KIF26B: variants seen among roughly 807,000 people sequenced by gnomAD.
KIF26B encodes the protein kinesin-like protein KIF26B.
In KIF26B, 63 loss-of-function variants were observed where a neutral mutation model predicts 151.2. The observed-to-expected ratio is 0.42, with a 90% CI of 0.34 to 0.51. The LOEUF (loss-of-function observed/expected upper bound fraction) is 0.51. Ranked by LOEUF, KIF26B falls within the 20% of genes least tolerant of loss-of-function variation. KIF26B has a pLI of 0.07. For synonymous variants in KIF26B, 1,357 were observed against 1,262.1 expected, an observed-to-expected ratio of 1.08 and a Z score of -1.59; for missense variants, 2,813 against 2,913.6, an observed-to-expected ratio of 0.97 and a Z score of 0.79.
At position 245,606,739 on chromosome 1, in the gene KIF26B, T is replaced by C. The variant is rs2043458821; in HGVS notation, c.1558-912T>C. Among the ~76,000 whole-genome samples, 1 of 152,184 alleles carries C rather than the reference T, an allele frequency of 6.6e-6. No homozygotes were observed. Among genetic ancestry groups the C allele is most frequent in the Non-Finnish European group, 1.5e-5 (1 of 68,020 alleles). On this transcript the variant is annotated intron_variant, in intron 6 of 14. Coordinates refer to ENST00000407071, the MANE Select transcript of KIF26B (RefSeq NM_018012.4). The surrounding 1 kb of genome is among the most constrained non-coding windows in gnomAD (Gnocchi z 4.6). The stretch of plus-strand genomic sequence containing the variant: ...ATACTCTATATGTTGAATGTATCTG[T>C]AGCAAAAGGAAGAAAAGGCAGGTTT...
chr1:245,310,966 C>T (rs966842863), intron 2 of KIF26B, among the ~76,000 whole-genome samples: 23 of 152,246 alleles, frequency 1.5e-4, no homozygotes, highest in Admixed American at 1.2e-3. Flanking sequence ...AGTTGTTTGA[C>T]GCTACACTCT....
rs3038167 is a variant in KIF26B, at chr1:245,386,336, T to TAAA, written c.999+18978_999+18980dup. Among the ~76,000 whole-genome samples, 20 of 147,758 alleles carry TAAA rather than the reference T, an allele frequency of 1.4e-4. 1 individual carries two copies. Among genetic ancestry groups the TAAA allele is most frequent in the South Asian group, 2.2e-4 (1 of 4,648 alleles). ...TATTCAGCCTGCTGTGTAATTGATC[T>TAAA]AAAAAAAAAAAGACAGATTTATTCT... On this transcript the variant is annotated intron_variant, in intron 3 of 14. Coordinates refer to ENST00000407071, the MANE Select transcript of KIF26B (RefSeq NM_018012.4).
At chr1:245,360,414 T>A (rs1308534904) in intron 2 of KIF26B, among the ~76,000 whole-genome samples, 2 of 152,218 alleles carry the variant, frequency 1.3e-5, no homozygotes, top group Non-Finnish European at 2.9e-5. Context: ...ATTACTACCA[T>A]TTATTTAAGG....
chr1:245,593,763 G>A (rs2043313794), intron 5 of KIF26B, among the ~76,000 whole-genome samples: 1 of 152,168 alleles, frequency 6.6e-6, no homozygotes, highest in Non-Finnish European at 1.5e-5. Context: ...TTCCACAATG[G>A]TTGAACTAAT....
intron 5 of KIF26B, among the ~76,000 whole-genome samples, chr1:245,579,832 G>A (rs1041091767): frequency 3.4e-5 from 5 of 148,812 alleles, no homozygotes; most frequent in African/African-American, 1.2e-4. Flanking sequence ...TGGGCAACAA[G>A]AGTGAAACTT....
At chr1:245,559,085 G>A (rs1215499889) in intron 5 of KIF26B, among the ~76,000 whole-genome samples, 2 of 152,210 alleles carry the variant, frequency 1.3e-5, no homozygotes, top group African/African-American at 2.4e-5. Context: ...AGTAGCTCAT[G>A]TCTGTAATCC....
intron 2 of KIF26B, among the ~76,000 whole-genome samples, chr1:245,327,198 G>A (rs10924172): frequency 0.13 from 19,252 of 152,122 alleles, 1,742 homozygotes; most frequent in East Asian, 0.3. Flanking sequence ...CCTGAATCTC[G>A]AGCTTCCTTT....
chr1:245,608,334 G>C (rs78021306), intron 7 of KIF26B, among the ~76,000 whole-genome samples: 1 of 152,104 alleles, frequency 6.6e-6, no homozygotes, highest in Non-Finnish European at 1.5e-5. Flanking sequence ...GCCCTTACAC[G>C]CTTGATATGT....
intron 10 of KIF26B, among the ~76,000 whole-genome samples, chr1:245,661,355 A>G (rs2044135938): frequency 7.2e-6 from 1 of 138,186 alleles, no homozygotes; most frequent in South Asian, 2.4e-4. Context: ...AGTTACTTGG[A>G]ATTTGTTCCT....
chr1:245,429,058 A>G (rs925213249), intron 4 of KIF26B, among the ~76,000 whole-genome samples: 1 of 152,196 alleles, frequency 6.6e-6, no homozygotes, highest in Non-Finnish European at 1.5e-5. Flanking sequence ...CCAGGCTTGA[A>G]TTCTCAGCCA....
At chr1:245,252,593 G>A (rs1248771235) in intron 2 of KIF26B, among the ~76,000 whole-genome samples, 2 of 151,938 alleles carry the variant, frequency 1.3e-5, no homozygotes, top group Non-Finnish European at 2.9e-5. Flanking sequence ...GGATCCTCTT[G>A]AATATTCCAT....
At chr1:245,513,227 G>A (rs760565959) in intron 4 of KIF26B, among the ~76,000 whole-genome samples, 67 of 39,834 alleles carry the variant, frequency 1.7e-3, no homozygotes, top group Non-Finnish European at 3.0e-3. Flanking sequence ...CAACCCCGCC[G>A]CCCCCTCTAG....
chr1:245,396,822 AT>A lies in KIF26B; in HGVS notation c.1000-22752del, dbSNP rs576751032. On this transcript the variant is annotated intron_variant, in intron 3 of 14. Coordinates refer to ENST00000407071, the MANE Select transcript of KIF26B (RefSeq NM_018012.4). ...CCTTGTCTCTCCTAAGGAATTAGTC[AT>A]TTTTATCCTCTTAGTAAGGAGTTGT... Among the ~76,000 whole-genome samples, 3 of 152,278 alleles carry A rather than the reference AT, an allele frequency of 2.0e-5. No individual in the cohort carries two copies. In the South Asian group the frequency reaches 6.2e-4, roughly 32 times the overall value.
chr1:245,685,266 G>A, intron 11 of KIF26B, 139 bp from the exon 12 acceptor site: 2 of 666,136 alleles, frequency 3.0e-6, no homozygotes, highest in African/African-American at 3.6e-5. Context: ...ACCCCGAGTG[G>A]CCCACGTGCG....
In KIF26B at chr1:245,510,625, T is replaced by C. The variant is rs539224794; in HGVS notation, c.1167-30142T>C. Among the ~76,000 whole-genome samples the C allele has an allele frequency of 2.5e-4, 38 of 150,242 alleles. No homozygotes were observed. The South Asian group carries it at 6.7e-3, about 27-fold the overall frequency. ...CTCTCTCTCTCTCTCTTCCCCTCTC[T>C]CCCTGTTTCACCCCTCCCTGCCTGC... On this transcript the variant is annotated intron_variant, in intron 4 of 14. Coordinates refer to ENST00000407071, the MANE Select transcript of KIF26B (RefSeq NM_018012.4).
At chr1:245,242,439 G>A (rs1408011865) in intron 2 of KIF26B, among the ~76,000 whole-genome samples, 15 of 152,100 alleles carry the variant, frequency 9.9e-5, no homozygotes, top group Admixed American at 9.8e-4. Flanking sequence ...GCCCATGTAT[G>A]GTGTTCTCAT....
intron 4 of KIF26B, among the ~76,000 whole-genome samples, chr1:245,463,770 T>C (rs761750892): frequency 1.1e-4 from 16 of 152,216 alleles, no homozygotes; most frequent in Admixed American, 6.5e-5. Flanking sequence ...TGATTTGTGT[T>C]GTATGAGTTT....
intron 2 of KIF26B, among the ~76,000 whole-genome samples, chr1:245,172,625 C>T (rs1668733105): frequency 6.6e-6 from 1 of 152,100 alleles, no homozygotes; most frequent in Non-Finnish European, 1.5e-5. Context: ...GCCTGGCCAA[C>T]ATGGTGAAAC....
chr1:245,662,392 T>TAC (rs201685390), intron 10 of KIF26B, among the ~76,000 whole-genome samples: 3,102 of 78,974 alleles, frequency 0.039, 124 homozygotes, highest in African/African-American at 0.12. Flanking sequence ...ACCATATATA[T>TAC]ATACACACAC....
Sources: gnomAD v4.1 joint callset for allele counts (sites outside exome capture counted in the v4.1 genomes callset) on GRCh38, gnomAD v4.1.1 for gene constraint, Gnocchi (gnomAD v3.1) non-coding constraint, MANE v1.5 for transcripts, NCBI Gene and HGNC (gene_info 2026-07-23, HGNC 2026-07-21) for gene names.